Variants in CNTLN observed in about 807,000 individuals in gnomAD.
CNTLN encodes the protein centlein, centrosomal protein.
Under a neutral mutation model 180.0 loss-of-function variants are expected in CNTLN, and 212 were observed. The observed-to-expected ratio is 1.18, with a 90% CI of 1.05 to 1.32. The LOEUF (loss-of-function observed/expected upper bound fraction) is 1.32. Ranked by LOEUF, CNTLN falls within the 40% of genes most tolerant of loss-of-function variation. The pLI, the probability that CNTLN is intolerant of heterozygous loss-of-function variation, is 0.00. For missense variants in CNTLN, 2,095 were observed against 1,610.9 expected (o/e 1.30, Z -5.14); for synonymous variants, 722 against 563.1 (o/e 1.28, Z -3.99).
At chr9:17,405,020 G>A (rs1185089453) in intron 15 of CNTLN, among the ~76,000 whole-genome samples, 3 of 151,702 alleles carry the variant, frequency 2.0e-5, no homozygotes, top group Non-Finnish European at 2.9e-5. Flanking sequence ...TTACAGATGT[G>A]AGCCACCGCG....
intron 13 of CNTLN, among the ~76,000 whole-genome samples, chr9:17,369,198 TC>T (rs1375513773): frequency 6.6e-6 from 1 of 152,064 alleles, no homozygotes; most frequent in Non-Finnish European, 1.5e-5. Flanking sequence ...AGGGGCTTTT[TC>T]CCCGTTCGCT....
rs144518274 is a variant in CNTLN, at chr9:17,371,331, T to C, written c.1987+4614T>C. 2.6e-3 allele frequency among the ~76,000 whole-genome samples: 395 copies of C among 152,262 alleles called. 2 individuals are homozygous for C. The highest frequency in any genetic ancestry group is 6.4e-3 in the Admixed American group (98 of 15,298). ...AGAAGAGCAGGAGTAGCTATACTTA[T>C]ATCAGACCAAATAGATTTCAAGCAA... is the stretch of plus-strand genomic sequence containing the variant. On this transcript the variant is annotated intron_variant, in intron 13 of 25. Transcript: ENST00000380647.
chr9:17,250,816 A>T (rs1826093433), intron 5 of CNTLN, among the ~76,000 whole-genome samples: 1 of 152,046 alleles, frequency 6.6e-6, no homozygotes, highest in African/African-American at 2.4e-5. Context: ...ACTGGCTTTT[A>T]TATTTGCTCA....
intron 12 of CNTLN, among the ~76,000 whole-genome samples, chr9:17,353,671 C>T (rs942051753): frequency 1.3e-5 from 2 of 150,656 alleles, no homozygotes; most frequent in Non-Finnish European, 2.9e-5. Context: ...GTGATCTTGG[C>T]TCACTGCAAC....
At chr9:17,352,409 TATA>T (rs1564019954) in intron 12 of CNTLN, among the ~76,000 whole-genome samples, 11 of 20,454 alleles carry the variant, frequency 5.4e-4, no homozygotes, top group South Asian at 3.6e-3. Context: ...TATATATATA[TATA>T]TATATTTTTT....
intron 2 of CNTLN, among the ~76,000 whole-genome samples, chr9:17,150,764 G>C (rs765756123): frequency 6.6e-6 from 1 of 152,100 alleles, no homozygotes; most frequent in Non-Finnish European, 1.5e-5. Flanking sequence ...TCACGATATT[G>C]ATTCTTCCTA....
At chr9:17,298,127 C>T in intron 6 of CNTLN, 63 bp from the exon 7 acceptor site, 4 of 1,322,558 alleles carry the variant, frequency 3.0e-6, no homozygotes, top group Non-Finnish European at 3.9e-6. Flanking sequence ...TAGATGAACA[C>T]AATTATTTAA....
intron 6 of CNTLN, among the ~76,000 whole-genome samples, chr9:17,293,860 G>T (rs955585929): frequency 4.6e-5 from 7 of 152,062 alleles, no homozygotes; most frequent in African/African-American, 1.4e-4. Flanking sequence ...GGCCCTGGTG[G>T]CATGGGCTCA....
chr9:17,208,617 T>A (rs1308451633), intron 2 of CNTLN, among the ~76,000 whole-genome samples: 1 of 152,198 alleles, frequency 6.6e-6, no homozygotes, highest in Non-Finnish European at 1.5e-5. Flanking sequence ...CTGGAAGACT[T>A]TTTTTGTTAT....
intron 7 of CNTLN, chr9:17,301,749 A>T (rs1818369674): frequency 1.1e-6 from 1 of 947,210 alleles, no homozygotes; most frequent in African/African-American, 1.8e-5. Context: ...GTCTACAGTT[A>T]GTAGACATTA....
chr9:17,160,059 C>G (rs1186436693), intron 2 of CNTLN, among the ~76,000 whole-genome samples: 1 of 152,172 alleles, frequency 6.6e-6, no homozygotes, highest in African/African-American at 2.4e-5. Context: ...TGTGAATTCA[C>G]TGACTTTAGA....
At chr9:17,512,435 A>G in the CNTLN span, among the ~76,000 whole-genome samples, 4 of 152,218 alleles carry the variant, frequency 2.6e-5, no homozygotes, top group African/African-American at 9.6e-5. Context: ...GTCACATACC[A>G]CATGTTCTCA....
intron 5 of CNTLN, among the ~76,000 whole-genome samples, chr9:17,246,687 G>C (rs1361395604): frequency 6.6e-6 from 1 of 152,130 alleles, no homozygotes; most frequent in African/African-American, 2.4e-5. Flanking sequence ...TCAGGGCCTG[G>C]AGTCGGGAAA....
intron 25 of CNTLN, among the ~76,000 whole-genome samples, chr9:17,488,281 G>C (rs1042843897): frequency 7.2e-5 from 11 of 152,068 alleles, no homozygotes; most frequent in Non-Finnish European, 1.5e-4. Context: ...TTTAAGTGTA[G>C]ATGTGCAGGT....
chr9:17,279,658 GC>G (rs1198798684), intron 6 of CNTLN, among the ~76,000 whole-genome samples: 1 of 151,420 alleles, frequency 6.6e-6, no homozygotes. Flanking sequence ...ATTATGTAGA[GC>G]AGCTGCTCGA....
At position 17,394,562 on chromosome 9, in the gene CNTLN, C is replaced by G; in HGVS notation, c.2108C>G (p.Ser703Cys). 1 of 1,583,798 alleles carries G rather than the reference C, an allele frequency of 6.3e-7. No homozygotes were observed. Among genetic ancestry groups the G allele is most frequent in the Non-Finnish European group, 8.5e-7 (1 of 1,171,132 alleles). The change falls in exon 15 of 26, where the codon TCT becomes TGT. Residue 703 changes from serine to cysteine, a missense_variant. Transcript: ENST00000380647. ...KVTELENRLK[S>C]FEKRSRKLKE... ...ACTGAGTTGGAAAATCGGCTGAAATCTTTTGAGAAAAGGTCGAGAAAATTA... is the reference window on the plus strand; with the variant it reads ...ACTGAGTTGGAAAATCGGCTGAAATGTTTTGAGAAAAGGTCGAGAAAATTA...
chr9:17,499,067 G>A (rs1047446935), intron 25 of CNTLN, among the ~76,000 whole-genome samples: 2 of 152,156 alleles, frequency 1.3e-5, no homozygotes, highest in Non-Finnish European at 2.9e-5. Context: ...CTTGTTCTTA[G>A]TGTTTTTAAA....
intron 18 of CNTLN, chr9:17,448,597 G>C (rs1216552616): frequency 6.6e-6 from 1 of 152,124 alleles, no homozygotes; most frequent in Admixed American, 6.5e-5. Flanking sequence ...ACCAAGCCTT[G>C]GTTATGAGGG....
intron 8 of CNTLN, among the ~76,000 whole-genome samples, chr9:17,319,614 G>C (rs1257998193): frequency 1.3e-5 from 2 of 152,034 alleles, no homozygotes; most frequent in Non-Finnish European, 2.9e-5. Context: ...GTGTGACCTT[G>C]GGCAAGTTAC....
Sources: allele counts gnomAD v4.1 joint callset (sites outside exome capture counted in the v4.1 genomes callset), GRCh38; gene constraint gnomAD v4.1.1; transcripts MANE v1.5; gene names NCBI Gene and HGNC (gene_info 2026-07-23, HGNC 2026-07-21).